Variants in C3orf62 observed in about 807,000 individuals in gnomAD.
C3orf62 encodes chromosome 3 open reading frame 62, also known as uncharacterized protein C3orf62.
Under a neutral mutation model 21.7 loss-of-function variants are expected in C3orf62, and 16 were observed. The ratio of observed to expected loss-of-function variants is 0.74; its 90% CI spans 0.50 to 1.12. The LOEUF is 1.12. C3orf62 is among the 50% of genes most tolerant of loss of function. The probability of loss-of-function intolerance (pLI) is 0.00; values close to 1 mark genes in which losing one functional copy is unlikely to be tolerated. For synonymous variants in C3orf62, 114 were observed against 117.0 expected (o/e 0.97, Z 0.17); for missense variants, 310 against 318.8 (o/e 0.97, Z 0.21).
chr3:49,276,622 C>G lies in C3orf62; in HGVS notation c.251G>C (p.Cys84Ser), dbSNP rs1172490355. 6.2e-7 allele frequency: 1 copy of G among 1,614,036 alleles called. No homozygotes were observed. The change falls in exon 1 of 3, where the codon TGT (cysteine) becomes TCT (serine). Residue 84 changes from cysteine to serine, a missense_variant. By Grantham distance (112) the Cys-to-Ser change is moderately radical. Transcript: ENST00000343010. The part of the protein sequence containing the change: ...SSAAPFAAVP[C>S]APENENPAFA... ...GGCAGGGTTCTCATTCTCAGGAGCA[C>G]ATGGGACAGCAGCAAAAGGAGCAGC...
intron 2 of C3orf62, 24 bp downstream of exon 2, chr3:49,274,025 G>A: frequency 6.4e-7 from 1 of 1,553,178 alleles, no homozygotes; most frequent in Non-Finnish European, 8.9e-7. Context: ...CCAAGGACAG[G>A]ATGGACTTGC....
At position 49,268,814 on chromosome 3, in the gene C3orf62, T is replaced by A. The variant is rs2046896450; in HGVS notation, c.*2366A>T. On this transcript the variant is annotated 3_prime_UTR_variant, in exon 3 of 3. Transcript: ENST00000343010. ...GTGGAGTCTTGCTTGTTGCCCAGGC[T>A]GGAGTGCAGTGATGCGATCTTGGCT... 6.6e-6 allele frequency: 1 copy of A among 152,184 alleles called. No individual in the cohort carries two copies. Among genetic ancestry groups the A allele is most frequent in the Non-Finnish European group, 1.5e-5 (1 of 68,058 alleles). The allele number at this position is 152,184 out of a possible 1,614,324, so 9.4% of individuals were successfully genotyped here. A position where few individuals can be genotyped will look rare whatever the true frequency, so the allele number is the denominator to read the frequency against.
rs2046964176 is a variant in C3orf62 at position 49,276,732 on chromosome 3, C to T, written c.141G>A (p.Leu47=). The T allele has an allele frequency of 6.2e-7, 1 of 1,614,120 alleles. No individual in the cohort carries two copies. Among genetic ancestry groups the T allele is most frequent in the Non-Finnish European group, 8.5e-7 (1 of 1,180,050 alleles). ...YSQECTGQQR[L]ELSAAPLSFS... Reference sequence around the variant, plus strand: ...AGGAGAGCGGCGCGGCGCTCAGTTCCAGCCTCTGCTGGCCTGTGCACTCCT... The same window carrying T: ...AGGAGAGCGGCGCGGCGCTCAGTTCTAGCCTCTGCTGGCCTGTGCACTCCT... The change falls in exon 1 of 3, where the codon CTG becomes CTA. Residue 47 remains leucine (L), a synonymous_variant. Transcript: ENST00000343010.
rs1258453319 is a variant in C3orf62, at chr3:49,276,629, C to G, written c.244G>C (p.Val82Leu). The G allele has an allele frequency of 1.2e-6, 2 of 1,614,080 alleles. No homozygotes were observed. Among genetic ancestry groups the G allele is most frequent in the Non-Finnish European group, 1.7e-6 (2 of 1,180,054 alleles). Residue 82 changes from valine (V) to leucine (L), a missense_variant, in exon 1 of 3, where the codon GTC becomes CTC. By Grantham distance (32) the Val-to-Leu change is conservative. Transcript: ENST00000343010. ...ACSSAAPFAA[V>L]PCAPENENPA... ...TTCTCATTCTCAGGAGCACATGGGA[C>G]AGCAGCAAAAGGAGCAGCAGAAGAG...
chr3:49,271,923 A>C (rs1182268526), intron 2 of C3orf62, among the ~76,000 whole-genome samples: 13 of 145,372 alleles, frequency 8.9e-5, no homozygotes, highest in East Asian at 4.1e-4. Flanking sequence ...AAAAAAAAAA[A>C]ACAAAAAAAA....
chr3:49,271,181 T>C lies in C3orf62; in HGVS notation c.803A>G (p.Ter268=). The part of the protein sequence containing the change: ...VMTSFKYQIE[*] ...GAATCAAAGCTTAGATAACTGTCCT[T>C]ACTCAATTTGGTATTTAAAAGACGT... The change falls in exon 3 of 3, where the codon TAA becomes TGA. Residue 268 remains the stop codon, a stop_retained_variant. Transcript: ENST00000343010. The C allele has an allele frequency of 1.2e-6, 2 of 1,611,382 alleles. No homozygotes were observed. Among genetic ancestry groups the C allele is most frequent in the Non-Finnish European group, 1.7e-6 (2 of 1,177,736 alleles).
intron 1 of C3orf62, among the ~76,000 whole-genome samples, chr3:49,275,694 C>A (rs1041802310): frequency 1.3e-5 from 2 of 151,580 alleles, no homozygotes; most frequent in African/African-American, 4.8e-5. Flanking sequence ...CCACGCCCGG[C>A]TAATTTTTTG....
At chr3:49,272,672 C>T (rs1396957212) in intron 2 of C3orf62, among the ~76,000 whole-genome samples, 1 of 150,886 alleles carries the variant, frequency 6.6e-6, no homozygotes, top group East Asian at 2.0e-4. Flanking sequence ...ATGCCTCAGC[C>T]ATCCAAGTGG....
chr3:49,276,128 T>C (rs748641678), intron 1 of C3orf62, among the ~76,000 whole-genome samples: 4 of 152,214 alleles, frequency 2.6e-5, no homozygotes, highest in Non-Finnish European at 4.4e-5. Context: ...AATAAGGTTA[T>C]TTTTAAAACC....
At chr3:49,274,214 T>A (rs758268961) in intron 1 of C3orf62, 74 bp from the exon 2 acceptor site, 1 of 1,172,664 alleles carries the variant, frequency 8.5e-7, no homozygotes, top group African/African-American at 1.5e-5. Context: ...GAAGGGAAAC[T>A]CAGTTTTAGA....
At chr3:49,273,496 A>G (rs1354672824) in intron 2 of C3orf62, among the ~76,000 whole-genome samples, 1 of 152,054 alleles carries the variant, frequency 6.6e-6, no homozygotes, top group Non-Finnish European at 1.5e-5. Flanking sequence ...GCTGCAGTAC[A>G]GTGGTATGAT....
intron 1 of C3orf62, among the ~76,000 whole-genome samples, chr3:49,275,519 GTTT>G (rs59375945): frequency 2.9e-5 from 2 of 69,292 alleles, no homozygotes; most frequent in African/African-American, 5.8e-5. Flanking sequence ...GAACTTTGAA[GTTT>G]TTTTTTTTTT....
rs1413038747 is a variant in C3orf62, at chr3:49,269,734, C to G, written c.*1446G>C. The G allele has an allele frequency of 1.3e-5, 2 of 152,312 alleles. No homozygotes were observed. The highest frequency in any genetic ancestry group is 2.4e-5 in the African/African-American group (1 of 41,470). 9.4% of individuals were successfully genotyped at this position (152,312 alleles called of 1,614,324 possible). A position where few individuals can be genotyped will look rare whatever the true frequency, so the allele number is the denominator to read the frequency against. The stretch of plus-strand genomic sequence containing the variant: ...CTGGTTGGGAACCAGGGCACGCCCA[C>G]TGGGGAGGCACATGCAATCAAGTGG... On this transcript the variant is annotated 3_prime_UTR_variant, in exon 3 of 3. Transcript: ENST00000343010.
chr3:49,276,351 C>G, intron 1 of C3orf62, 76 bp downstream of exon 1: 1 of 1,449,906 alleles, frequency 6.9e-7, no homozygotes, highest in South Asian at 1.3e-5. Context: ...TGAACTAAAT[C>G]TAGGATCTTC....
chr3:49,271,364 C>A lies in C3orf62; in HGVS notation c.620G>T (p.Cys207Phe). 6.2e-7 allele frequency: 1 copy of A among 1,614,198 alleles called. No individual in the cohort carries two copies. Among genetic ancestry groups the A allele is most frequent in the Non-Finnish European group, 8.5e-7 (1 of 1,180,038 alleles). The change falls in exon 3 of 3, where the codon TGC becomes TTC. Residue 207 changes from cysteine to phenylalanine, a missense_variant. Physicochemically the swap from Cys to Phe is radical, Grantham distance 205. Transcript: ENST00000343010. ...TTCCTCTTTGAAGGGTGAATCTTGGCAATGACCACACATGTGGTTCAATTC... is the reference window on the plus strand; with the variant it reads ...TTCCTCTTTGAAGGGTGAATCTTGGAAATGACCACACATGTGGTTCAATTC... ...ENELNHMCGH[C>F]QDSPFKEEAW...
intron 1 of C3orf62, among the ~76,000 whole-genome samples, chr3:49,276,078 G>A (rs961553745): frequency 1.3e-5 from 2 of 152,084 alleles, no homozygotes; most frequent in South Asian, 4.1e-4. Flanking sequence ...AAACACAGGA[G>A]TTAAGATGGA....
intron 1 of C3orf62, among the ~76,000 whole-genome samples, chr3:49,274,881 G>A (rs1462284731): frequency 6.6e-6 from 1 of 151,508 alleles, no homozygotes; most frequent in East Asian, 1.9e-4. Flanking sequence ...GTGCAAGGGC[G>A]CAATTTCGGC....
chr3:49,276,531 T>G lies in C3orf62; in HGVS notation c.342A>C (p.Leu114=). The G allele has an allele frequency of 6.2e-7, 1 of 1,614,244 alleles. No individual in the cohort carries two copies. Among genetic ancestry groups the G allele is most frequent in the Non-Finnish European group, 8.5e-7 (1 of 1,180,048 alleles). Residue 114 remains leucine, a synonymous_variant, in exon 1 of 3, where the codon CTA becomes CTC. Coordinates refer to ENST00000343010, the MANE Select transcript of C3orf62 (RefSeq NM_198562.3). ...GCATCAATACATTTTCCTTGCTGGT[T>G]AGAGGTTTTCTCTCGGGGCACAGAG... The part of the protein sequence containing the change: ...PHALCPERKP[L]TSKENVLMHS...
Position 49,276,853 on chromosome 3 carries a change from C to T in C3orf62, c.20G>A (p.Trp7Ter), listed in dbSNP as rs894897453. MHYIKT[W>*]SLLGEMSEKL... The stretch of plus-strand genomic sequence containing the variant: ...TTCAGACATTTCTCCTAAAAGCGAC[C>T]ATGTCTTTATGTAATGCATTGGAAA... Residue 7 changes from tryptophan to a stop codon, truncating the protein, a stop_gained, in exon 1 of 3, where the codon TGG becomes TAG. Transcript: ENST00000343010. LOFTEE classifies it high-confidence loss of function. 2 of 1,612,362 alleles carry T rather than the reference C, an allele frequency of 1.2e-6. No individual in the cohort carries two copies. Among genetic ancestry groups the T allele is most frequent in the African/African-American group, 2.7e-5 (2 of 74,854 alleles).
Sources: allele counts gnomAD v4.1 joint callset (sites outside exome capture counted in the v4.1 genomes callset), GRCh38; gene constraint gnomAD v4.1.1; transcripts MANE v1.5; gene names NCBI Gene and HGNC (gene_info 2026-07-23, HGNC 2026-07-21).